UNC79: variants seen among roughly 807,000 people sequenced by gnomAD.
UNC79 encodes the protein unc-79 subunit of NALCN channel complex.
Under a neutral mutation model 283.1 loss-of-function variants are expected in UNC79, and 37 were observed. That is an observed-to-expected ratio of 0.13 (90% CI 0.10 to 0.17). The LOEUF is 0.17. Ranked by LOEUF, UNC79 falls within the 10% of genes least tolerant of loss-of-function variation. UNC79 has a pLI of 1.00. For missense variants in UNC79, 2,272 were observed against 3,211.1 expected, an observed-to-expected ratio of 0.71 and a Z score of 7.07; for synonymous variants, 1,107 against 1,200.2, an observed-to-expected ratio of 0.92 and a Z score of 1.61.
intron 1 of UNC79, among the ~76,000 whole-genome samples, chr14:93,394,351 CTTTTATTTTATTTTATTTTATTTTA>C (rs58906082): frequency 3.4e-4 from 43 of 124,766 alleles, no homozygotes; most frequent in East Asian, 1.1e-3. Flanking sequence ...ATGCAATTGT[CTTTTATTTTATTTTATTTTATTTTA>C]TTTTATTTTA....
intron 26 of UNC79, among the ~76,000 whole-genome samples, chr14:93,610,764 C>T (rs2066245209): frequency 6.6e-6 from 1 of 152,026 alleles, no homozygotes; most frequent in African/African-American, 2.4e-5. Flanking sequence ...GTGTGCACCA[C>T]CATGTCCAGC....
intron 14 of UNC79, among the ~76,000 whole-genome samples, chr14:93,558,898 G>T (rs571532608): frequency 6.6e-6 from 1 of 152,030 alleles, no homozygotes; most frequent in African/African-American, 2.4e-5. Flanking sequence ...CACCCAGTGG[G>T]CCGCATGGGG....
chr14:93,675,362 C>G (rs888460603), intron 41 of UNC79, among the ~76,000 whole-genome samples: 1 of 152,122 alleles, frequency 6.6e-6, no homozygotes, highest in African/African-American at 2.4e-5. Flanking sequence ...TGACATGGGC[C>G]AGGTGCTCTG....
chr14:93,602,768 G>A (rs1200134511), intron 25 of UNC79, among the ~76,000 whole-genome samples: 5 of 152,160 alleles, frequency 3.3e-5, no homozygotes, highest in African/African-American at 9.7e-5. Flanking sequence ...ATCTTCCTGA[G>A]TAGCTAGGAC....
Position 93,601,968 on chromosome 14 carries a change from A to T in UNC79, c.3574+1198A>T, listed in dbSNP as rs1299286781. On this transcript the variant is annotated intron_variant, in intron 25 of 48. Coordinates refer to ENST00000555664, the Ensembl canonical transcript of UNC79. ...TGGGATTATTATTATTATTTTGCTG[A>T]TTTGTTTGAGTTCCTTATAGATTCT... Among the ~76,000 whole-genome samples the T allele has an allele frequency of 2.0e-5, 3 of 151,782 alleles. 1 individual carries two copies. Among genetic ancestry groups the T allele is most frequent in the Admixed American group, 2.0e-4 (3 of 15,242 alleles).
chr14:93,487,833 T>C, intron 5 of UNC79, 78 bp downstream of exon 5: 1 of 1,379,710 alleles, frequency 7.2e-7, no homozygotes, highest in Non-Finnish European at 1.0e-6. Flanking sequence ...GGCTAGATGT[T>C]CTCATGTGAG....
At chr14:93,394,593 T>C (rs1006758052) in intron 1 of UNC79, among the ~76,000 whole-genome samples, 11 of 152,016 alleles carry the variant, frequency 7.2e-5, no homozygotes, top group African/African-American at 2.7e-4. Flanking sequence ...GTATTTTTAG[T>C]AGAGATGGGA....
In UNC79 at chr14:93,679,721, T is replaced by G. The variant is rs139453941; in HGVS notation, c.6742-2896T>G. 5.4e-3 allele frequency among the ~76,000 whole-genome samples: 819 copies of G among 152,264 alleles called. 7 individuals are homozygous for G. The highest frequency in any genetic ancestry group is 0.018 in the African/African-American group (768 of 41,558). On this transcript the variant is annotated intron_variant, in intron 41 of 48. Coordinates refer to ENST00000555664, the Ensembl canonical transcript of UNC79. ...CTGAGATTAGAGGTGAAGACATTATTTTGGGTATCATTTTGATAATGAAGT... is the reference window on the plus strand; with the variant it reads ...CTGAGATTAGAGGTGAAGACATTATGTTGGGTATCATTTTGATAATGAAGT...
chr14:93,705,704 G>A (rs980856531), intron 48 of UNC79, among the ~76,000 whole-genome samples: 7 of 152,242 alleles, frequency 4.6e-5, no homozygotes, highest in Admixed American at 2.0e-4. Flanking sequence ...GTTACTGGGC[G>A]TGACTTAAGA....
At chr14:93,537,901 T>C (rs759424449) in intron 11 of UNC79, 88 bp from the exon 12 acceptor site, 1 of 1,286,256 alleles carries the variant, frequency 7.8e-7, no homozygotes, top group South Asian at 1.5e-5. Flanking sequence ...TCACTTCGAG[T>C]GGCCCCTTAA....
At chr14:93,368,344 C>T (rs1029389586) in intron 1 of UNC79, among the ~76,000 whole-genome samples, 6 of 152,060 alleles carry the variant, frequency 3.9e-5, no homozygotes, top group Non-Finnish European at 2.9e-5. Context: ...AGAGACAACA[C>T]CCCTCTAAAA....
intron 13 of UNC79, among the ~76,000 whole-genome samples, chr14:93,542,205 A>G (rs959162303): frequency 6.6e-6 from 1 of 152,158 alleles, no homozygotes; most frequent in Non-Finnish European, 1.5e-5. Flanking sequence ...TATCTGGTGC[A>G]GATTATATAA....
chr14:93,433,229 G>A (rs2055944962), intron 1 of UNC79, among the ~76,000 whole-genome samples: 2 of 152,302 alleles, frequency 1.3e-5, no homozygotes, highest in Non-Finnish European at 2.9e-5. Context: ...TTAAGGGTTT[G>A]GAGGGCAAAG....
exon 34 of UNC79, chr14:93,643,648 C>A: frequency 6.2e-7 from 1 of 1,613,274 alleles, no homozygotes; most frequent in Non-Finnish European, 8.5e-7. Context: ...TCACTTAAGC[C>A]CAGACCTGGC....
intron 5 of UNC79, among the ~76,000 whole-genome samples, chr14:93,496,153 G>A (rs2059004096): frequency 6.6e-6 from 1 of 152,062 alleles, no homozygotes; most frequent in African/African-American, 2.4e-5. Flanking sequence ...ATGAATGTAT[G>A]ATTACTACCG....
chr14:93,524,063 G>A (rs1004511510), intron 8 of UNC79, 21 bp downstream of exon 8: 1 of 1,613,392 alleles, frequency 6.2e-7, no homozygotes. Context: ...ATTAGACCTG[G>A]TGCCATACTG....
intron 7 of UNC79, among the ~76,000 whole-genome samples, chr14:93,519,520 A>G (rs2060223982): frequency 6.6e-6 from 1 of 151,822 alleles, no homozygotes; most frequent in African/African-American, 2.4e-5. Flanking sequence ...TGTTTAGACC[A>G]TTGGCATTTA....
intron 47 of UNC79, among the ~76,000 whole-genome samples, chr14:93,701,857 T>A (rs949781493): frequency 3.3e-5 from 5 of 152,108 alleles, no homozygotes; most frequent in African/African-American, 1.2e-4. Flanking sequence ...ATAAAAACAC[T>A]TTTAGACCAA....
At chr14:93,622,228 C>G (rs774903168) in exon 30 of UNC79, 8 of 1,614,140 alleles carry the variant, frequency 5.0e-6, no homozygotes, top group Non-Finnish European at 6.8e-6. Context: ...AAAATGCTGC[C>G]TCTTCTCCCT....
Sources: allele counts gnomAD v4.1 joint callset (sites outside exome capture counted in the v4.1 genomes callset), GRCh38; gene constraint gnomAD v4.1.1; transcripts MANE v1.5; gene names NCBI Gene and HGNC (gene_info 2026-07-23, HGNC 2026-07-21).